SC5D: variants seen among roughly 807,000 people sequenced by gnomAD.
The protein encoded by SC5D is sterol-C5-desaturase.
SC5D carries 21 observed loss-of-function variants against 23.9 expected under a neutral mutation model. That is an observed-to-expected ratio of 0.88 (90% CI 0.62 to 1.26). SC5D has a LOEUF of 1.26. SC5D is among the 50% of genes most tolerant of loss of function. SC5D has a pLI of 0.00. For synonymous variants in SC5D, 113 were observed against 125.9 expected (o/e 0.90, Z 0.68); for missense variants, 309 against 364.8 (o/e 0.85, Z 1.25).
Position 121,303,508 on chromosome 11 carries a change from CTTTA to C in SC5D, c.137_140del (p.Tyr46SerfsTer6). ...TGTAACAAATGTTGGTGCTTACATC[CTTTA>C]TTTCTTCTGTGCAACACTGAGCTAT... On this transcript the variant is annotated frameshift_variant, in exon 2 of 5. Coordinates refer to ENST00000264027, the MANE Select transcript of SC5D (RefSeq NM_006918.5). LOFTEE classifies it high-confidence loss of function. 2 of 1,613,916 alleles carry C rather than the reference CTTTA, an allele frequency of 1.2e-6. No individual in the cohort carries two copies. The highest frequency in any genetic ancestry group is 1.7e-6 in the Non-Finnish European group (2 of 1,179,880).
intron 1 of SC5D, among the ~76,000 whole-genome samples, chr11:121,293,783 GTAATGTAAT>G (rs1296853304): frequency 6.6e-6 from 1 of 152,164 alleles, no homozygotes; most frequent in African/African-American, 2.4e-5. Context: ...CATTCGTTAT[GTAATGTAAT>G]TAATTAGCAT....
In SC5D at chr11:121,303,554, A is replaced by G. The variant is rs1947941082; in HGVS notation, c.179A>G (p.His60Arg). The change falls in exon 2 of 5, where the codon CAT (histidine) becomes CGT (arginine). Residue 60 changes from histidine to arginine, a missense_variant. Coordinates refer to ENST00000264027, the MANE Select transcript of SC5D (RefSeq NM_006918.5). ...CTGAGCTATTATTTTGTCTTCGATCATGCATTAATGAAACATCCACAATTT... is the reference window on the plus strand; with the variant it reads ...CTGAGCTATTATTTTGTCTTCGATCGTGCATTAATGAAACATCCACAATTT... ...ATLSYYFVFD[H>R]ALMKHPQFLK... 6.2e-7 allele frequency: 1 copy of G among 1,613,362 alleles called. No homozygotes were observed. The highest frequency in any genetic ancestry group is 1.7e-5 in the Admixed American group (1 of 59,986).
chr11:121,299,363 A>G (rs1947910992), intron 1 of SC5D, among the ~76,000 whole-genome samples: 1 of 152,226 alleles, frequency 6.6e-6, no homozygotes, highest in South Asian at 2.1e-4. Flanking sequence ...GCGTGTATGT[A>G]TACATATACA....
chr11:121,293,948 C>G (rs954309738), intron 1 of SC5D, among the ~76,000 whole-genome samples: 2 of 152,172 alleles, frequency 1.3e-5, no homozygotes, highest in African/African-American at 4.8e-5. Flanking sequence ...TATTTAAATA[C>G]TCTGACCTCA....
chr11:121,297,736 G>GTTAACCAT (rs1947899364), intron 1 of SC5D, among the ~76,000 whole-genome samples: 2 of 152,116 alleles, frequency 1.3e-5, no homozygotes, highest in South Asian at 4.1e-4. Context: ...ACCATGTTTC[G>GTTAACCAT]GTTAAGTGGA....
chr11:121,305,438 G>C (rs1229407926), intron 3 of SC5D: 1 of 151,942 alleles, frequency 6.6e-6, no homozygotes, highest in South Asian at 2.1e-4. Context: ...TAAGTAAGAA[G>C]TTAGTTATTG....
intron 1 of SC5D, among the ~76,000 whole-genome samples, chr11:121,295,662 C>T (rs1947883783): frequency 6.6e-6 from 1 of 152,162 alleles, no homozygotes; most frequent in Non-Finnish European, 1.5e-5. Context: ...AGTTCCCAGC[C>T]TGACTTTTCT....
At position 121,303,375 on chromosome 11, in the gene SC5D, G is replaced by A; in HGVS notation, c.-1G>A. 6.2e-7 allele frequency: 1 copy of A among 1,613,694 alleles called. No individual in the cohort carries two copies. The highest frequency in any genetic ancestry group is 1.6e-4 in the Middle Eastern group (1 of 6,062). On this transcript the variant is annotated 5_prime_UTR_variant, in exon 2 of 5. Transcript: ENST00000264027. The stretch of plus-strand genomic sequence containing the variant: ...CATGCTTATTTTTTAGGGGCTAAGT[G>A]ATGGATCTTGTACTCCGTGTTGCAG...
intron 1 of SC5D, among the ~76,000 whole-genome samples, chr11:121,296,640 T>A (rs1304780724): frequency 6.6e-6 from 1 of 152,266 alleles, no homozygotes; most frequent in African/African-American, 2.4e-5. Context: ...TAGAATTGTT[T>A]TTGTAGTTGC....
chr11:121,310,186 C>T lies in SC5D; in HGVS notation c.*2674C>T, dbSNP rs2134273432. 6.6e-6 allele frequency among the ~76,000 whole-genome samples: 1 copy of T among 152,230 alleles called. No homozygotes were observed. The highest frequency in any genetic ancestry group is 2.1e-4 in the South Asian group (1 of 4,822). ...TGGAAACTAGGGAGATGACTGAGAA[C>T]AAAGATATTTGGGATTAACACAGAT... On this transcript the variant is annotated 3_prime_UTR_variant, in exon 5 of 5. Transcript: ENST00000264027.
rs189164794 is a variant in SC5D at position 121,304,046 on chromosome 11, A to G, written c.211-315A>G. ...ACTCCAAGGACTGAACAGCAAAAAG[A>G]AAAAATAGAGAGGATTGGGGATGGA... On this transcript the variant is annotated intron_variant, in intron 2 of 4. Transcript: ENST00000264027. The G allele has an allele frequency of 2.2e-4, 70 of 324,716 alleles. No homozygotes were observed. In the East Asian group the frequency reaches 5.6e-3, roughly 26 times the overall value. 20.1% of individuals were successfully genotyped at this position (324,716 alleles called of 1,614,324 possible). A position where few individuals can be genotyped will look rare whatever the true frequency, so the allele number is the denominator to read the frequency against.
chr11:121,306,776 C>A, intron 4 of SC5D: 1 of 615,354 alleles, frequency 1.6e-6, no homozygotes. Flanking sequence ...AGGGATGAGA[C>A]GCTCCCTATT....
At position 121,303,532 on chromosome 11, in the gene SC5D, A is replaced by G; in HGVS notation, c.157A>G (p.Ser53Gly). 1 of 1,613,988 alleles carries G rather than the reference A, an allele frequency of 6.2e-7. No homozygotes were observed. The highest frequency in any genetic ancestry group is 8.5e-7 in the Non-Finnish European group (1 of 1,179,936). ...YILYFFCATL[S>G]YYFVFDHALM... The stretch of plus-strand genomic sequence containing the variant: ...CCTTTATTTCTTCTGTGCAACACTG[A>G]GCTATTATTTTGTCTTCGATCATGC... Residue 53 changes from serine (S) to glycine (G), a missense_variant, in exon 2 of 5, where the codon AGC becomes GGC. By Grantham distance (56) the Ser-to-Gly change is moderately conservative. Transcript: ENST00000264027.
chr11:121,295,537 T>C (rs1300868221), intron 1 of SC5D, among the ~76,000 whole-genome samples: 4 of 152,188 alleles, frequency 2.6e-5, no homozygotes, highest in African/African-American at 9.6e-5. Context: ...GAGTCCTGTC[T>C]GTCCTTTATC....
At chr11:121,306,291 A>G (rs1591505169) in intron 3 of SC5D, 95 bp from the exon 4 acceptor site, 3 of 713,204 alleles carry the variant, frequency 4.2e-6, no homozygotes, top group East Asian at 5.4e-5. Context: ...GTTTGAGTCT[A>G]GGATCCCATT....
intron 1 of SC5D, among the ~76,000 whole-genome samples, chr11:121,299,391 T>A (rs1042643265): frequency 3.3e-5 from 5 of 152,202 alleles, no homozygotes; most frequent in Non-Finnish European, 4.4e-5. Context: ...GTATTTAACT[T>A]TGATTTTATA....
chr11:121,304,723 T>C, intron 3 of SC5D: 2 of 488,988 alleles, frequency 4.1e-6, no homozygotes, highest in Non-Finnish European at 7.4e-6. Flanking sequence ...GGCGGAAGAT[T>C]GGAGTGATCA....
chr11:121,306,818 A>G, intron 4 of SC5D: 1 of 628,842 alleles, frequency 1.6e-6, no homozygotes, highest in Non-Finnish European at 2.8e-6. Context: ...GGTGCTAGGT[A>G]CACTAAAAGC....
intron 1 of SC5D, among the ~76,000 whole-genome samples, chr11:121,302,293 C>T (rs1430230029): frequency 3.9e-5 from 6 of 152,168 alleles, no homozygotes; most frequent in Non-Finnish European, 7.4e-5. Flanking sequence ...AGATTGGCTT[C>T]TTGTTCAAAA....
Sources: gnomAD v4.1 joint callset for allele counts (sites outside exome capture counted in the v4.1 genomes callset) on GRCh38, gnomAD v4.1.1 for gene constraint, MANE v1.5 for transcripts, NCBI Gene and HGNC (gene_info 2026-07-23, HGNC 2026-07-21) for gene names.